The following IMMP2L variants were observed in gnomAD, a reference collection of about 807,000 sequenced individuals.
IMMP2L encodes the protein mitochondrial inner membrane protease subunit 2.
IMMP2L carries 18 observed loss-of-function variants against 19.3 expected under a neutral mutation model. That is an observed-to-expected ratio of 0.93 (90% CI 0.64 to 1.38). The LOEUF is 1.38. IMMP2L is among the 40% of genes most tolerant of loss of function. The pLI, the probability that IMMP2L is intolerant of heterozygous loss-of-function variation, is 0.00. For missense variants in IMMP2L, 233 were observed against 218.2 expected (o/e 1.07, Z -0.43); for synonymous variants, 76 against 73.0 (o/e 1.04, Z -0.21).
chr7:110,933,142 T>C (rs187939632), intron 4 of IMMP2L, among the ~76,000 whole-genome samples: 6 of 152,298 alleles, frequency 3.9e-5, no homozygotes, highest in Non-Finnish European at 7.4e-5. Flanking sequence ...ATTTTCATAG[T>C]GTGCTACACA....
chr7:111,396,056 T>C (rs961495847), intron 3 of IMMP2L, among the ~76,000 whole-genome samples: 1 of 152,124 alleles, frequency 6.6e-6, no homozygotes, highest in African/African-American at 2.4e-5. Flanking sequence ...AGTTCAACCA[T>C]TGTGGAAGAT....
chr7:110,852,850 A>C (rs759506600), intron 5 of IMMP2L, among the ~76,000 whole-genome samples: 2 of 152,022 alleles, frequency 1.3e-5, no homozygotes, highest in South Asian at 2.1e-4. Context: ...AGCCAGCATA[A>C]TTTGTCAGAA....
intron 3 of IMMP2L, among the ~76,000 whole-genome samples, chr7:111,369,949 T>C (rs569432933): frequency 3.4e-4 from 51 of 152,110 alleles, no homozygotes; most frequent in South Asian, 2.9e-3. Context: ...TATAATGTGA[T>C]CCATGCTAGA....
chr7:111,176,145 G>A (rs1044490248), intron 3 of IMMP2L, among the ~76,000 whole-genome samples: 1 of 151,954 alleles, frequency 6.6e-6, no homozygotes, highest in Non-Finnish European at 1.5e-5. Context: ...TGAAGAAAAG[G>A]AAACCCTTGT....
At chr7:111,135,760 G>C (rs776429269) in intron 3 of IMMP2L, among the ~76,000 whole-genome samples, 11 of 152,096 alleles carry the variant, frequency 7.2e-5, no homozygotes, top group Non-Finnish European at 1.5e-4. Context: ...TATTCTCCCT[G>C]TCTCCCAAAT....
chr7:111,001,104 A>T (rs79878975), intron 3 of IMMP2L, among the ~76,000 whole-genome samples: 1,798 of 152,316 alleles, frequency 0.012, 27 homozygotes, highest in African/African-American at 0.041. Context: ...TATCAATGCA[A>T]CACAGGTAAA....
At chr7:111,178,544 G>C (rs531916817) in intron 3 of IMMP2L, among the ~76,000 whole-genome samples, 7 of 152,022 alleles carry the variant, frequency 4.6e-5, no homozygotes, top group Non-Finnish European at 1.0e-4. Context: ...ACCCACAGTA[G>C]AACTTTTGAA....
chr7:110,943,093 G>T (rs966955233), intron 4 of IMMP2L, among the ~76,000 whole-genome samples: 1 of 151,936 alleles, frequency 6.6e-6, no homozygotes, highest in Non-Finnish European at 1.5e-5. Context: ...TTTAGTTCAG[G>T]ATCACTAGCT....
At chr7:110,835,445 A>G (rs1804358683) in intron 5 of IMMP2L, among the ~76,000 whole-genome samples, 1 of 152,162 alleles carries the variant, frequency 6.6e-6, no homozygotes, top group South Asian at 2.1e-4. Flanking sequence ...AAAGCTGCCA[A>G]GAAGGTCTCT....
chr7:110,915,326 C>T (rs1052879577), intron 4 of IMMP2L, among the ~76,000 whole-genome samples: 3 of 152,098 alleles, frequency 2.0e-5, no homozygotes, highest in East Asian at 1.9e-4. Flanking sequence ...ATGAATGAAC[C>T]TGAAGGACAT....
At chr7:111,084,833 A>C (rs1010919420) in intron 3 of IMMP2L, among the ~76,000 whole-genome samples, 8 of 152,202 alleles carry the variant, frequency 5.3e-5, no homozygotes, top group Admixed American at 5.2e-4. Context: ...ATTGTAGCAA[A>C]TATTGATAGC....
chr7:110,746,077 GA>G (rs1011062341), intron 5 of IMMP2L, among the ~76,000 whole-genome samples: 60 of 150,048 alleles, frequency 4.0e-4, no homozygotes, highest in Non-Finnish European at 3.0e-5. Context: ...CAAATGGAAA[GA>G]AAGAAAAAAA....
At chr7:111,159,754 GAC>G (rs1458954340) in intron 3 of IMMP2L, among the ~76,000 whole-genome samples, 2 of 151,922 alleles carry the variant, frequency 1.3e-5, no homozygotes, top group African/African-American at 4.8e-5. Context: ...TTTTCTAACA[GAC>G]ACATTTAAAA....
At chr7:111,507,224 A>G (rs913704487) in intron 2 of IMMP2L, among the ~76,000 whole-genome samples, 1 of 152,174 alleles carries the variant, frequency 6.6e-6, no homozygotes, top group Non-Finnish European at 1.5e-5. Flanking sequence ...TTTGCCTGCT[A>G]GATACTGGGA....
At chr7:111,378,429 G>A (rs538210951) in intron 3 of IMMP2L, among the ~76,000 whole-genome samples, 2 of 151,804 alleles carry the variant, frequency 1.3e-5, no homozygotes, top group Non-Finnish European at 2.9e-5. Context: ...AGACAAAAAT[G>A]TTCATGACTT....
At chr7:111,069,102 C>A (rs1489687104) in intron 3 of IMMP2L, among the ~76,000 whole-genome samples, 1 of 152,138 alleles carries the variant, frequency 6.6e-6, no homozygotes, top group Non-Finnish European at 1.5e-5. Flanking sequence ...CAAATAACTT[C>A]ATTATTTTAT....
chr7:111,217,503 G>T (rs184527514), intron 3 of IMMP2L, among the ~76,000 whole-genome samples: 22 of 152,174 alleles, frequency 1.4e-4, no homozygotes, highest in African/African-American at 5.3e-4. Context: ...GAAGCATTTA[G>T]CCTACAGCAG....
chr7:111,517,814 G>A (rs993116723), intron 2 of IMMP2L, among the ~76,000 whole-genome samples: 1 of 151,950 alleles, frequency 6.6e-6, no homozygotes, highest in Non-Finnish European at 1.5e-5. Context: ...ACTTTCATAG[G>A]TAACCTTTCA....
intron 3 of IMMP2L, among the ~76,000 whole-genome samples, chr7:111,446,104 C>A (rs550272714): frequency 3.3e-5 from 5 of 151,970 alleles, no homozygotes; most frequent in African/African-American, 9.7e-5. Context: ...TGAGATCAAA[C>A]TGCAAGGCGG....
Sources: gnomAD v4.1 joint callset for allele counts (sites outside exome capture counted in the v4.1 genomes callset) on GRCh38, gnomAD v4.1.1 for gene constraint, MANE v1.5 for transcripts, NCBI Gene and HGNC (gene_info 2026-07-23, HGNC 2026-07-21) for gene names.